Variants in ATRNL1 observed in about 807,000 individuals in gnomAD.
ATRNL1 encodes the protein attractin-like protein 1.
ATRNL1 carries 95 observed loss-of-function variants against 182.7 expected under a neutral mutation model. That is an observed-to-expected ratio of 0.52 (90% confidence interval 0.44 to 0.62). ATRNL1 has a LOEUF of 0.62. Among genes scored for constraint, ATRNL1 ranks in the 20% least tolerant of loss-of-function variants. ATRNL1 has a pLI of 0.00. For synonymous variants in ATRNL1, 576 were observed against 568.3 expected, an observed-to-expected ratio of 1.01 and a Z score of -0.19; for missense variants, 1,471 against 1,679.5, an observed-to-expected ratio of 0.88 and a Z score of 2.17.
chr10:115,184,565 C>T (rs1184849389), intron 8 of ATRNL1, among the ~76,000 whole-genome samples: 1 of 151,200 alleles, frequency 6.6e-6, no homozygotes, highest in African/African-American at 2.4e-5. Flanking sequence ...AACCAGAAAA[C>T]AAGTATGTTG....
At chr10:115,466,281 TTCTCTA>T (rs1848048358) in intron 22 of ATRNL1, among the ~76,000 whole-genome samples, 1 of 151,448 alleles carries the variant, frequency 6.6e-6, no homozygotes, top group South Asian at 2.1e-4. Context: ...AATTAATATA[TTCTCTA>T]TCTCTCTTAC....
At chr10:115,845,011 GT>G (rs1328599510) in intron 27 of ATRNL1, among the ~76,000 whole-genome samples, 2 of 151,864 alleles carry the variant, frequency 1.3e-5, no homozygotes, top group Non-Finnish European at 2.9e-5. Flanking sequence ...AGATGTTTGG[GT>G]TTTTTTGTAT....
At chr10:115,750,167 G>T (rs146650289) in intron 27 of ATRNL1, among the ~76,000 whole-genome samples, 1 of 151,868 alleles carries the variant, frequency 6.6e-6, no homozygotes, top group African/African-American at 2.4e-5. Flanking sequence ...GCAAGGACAC[G>T]TGAACACATA....
chr10:115,247,265 G>A (rs1850684199), intron 10 of ATRNL1, among the ~76,000 whole-genome samples: 1 of 151,944 alleles, frequency 6.6e-6, no homozygotes, highest in Admixed American at 6.6e-5. Flanking sequence ...TCATCTGATG[G>A]GGGATTAACA....
chr10:115,620,609 A>T (rs776258982), intron 26 of ATRNL1, among the ~76,000 whole-genome samples: 16 of 152,192 alleles, frequency 1.1e-4, no homozygotes, highest in Non-Finnish European at 2.1e-4. Context: ...TTTATTAAAG[A>T]TTTACTCAAA....
At chr10:115,827,043 C>A (rs1950450881) in intron 27 of ATRNL1, among the ~76,000 whole-genome samples, 1 of 152,110 alleles carries the variant, frequency 6.6e-6, no homozygotes, top group Admixed American at 6.5e-5. Flanking sequence ...TACATATTAT[C>A]AAAATGTGTT....
chr10:115,256,015 G>A (rs1379119417), intron 10 of ATRNL1, among the ~76,000 whole-genome samples: 1 of 152,166 alleles, frequency 6.6e-6, no homozygotes, highest in Non-Finnish European at 1.5e-5. Context: ...TAAGCTTTTT[G>A]ATGTGCTGAT....
chr10:115,893,363 T>G (rs782285174), intron 28 of ATRNL1, among the ~76,000 whole-genome samples: 1 of 152,138 alleles, frequency 6.6e-6, no homozygotes, highest in Non-Finnish European at 1.5e-5. Context: ...GTAAGGTGTT[T>G]AATGAGTATG....
At chr10:115,257,071 T>C (rs1184637256) in intron 10 of ATRNL1, among the ~76,000 whole-genome samples, 1 of 151,824 alleles carries the variant, frequency 6.6e-6, no homozygotes, top group African/African-American at 2.4e-5. Flanking sequence ...AACTTTAGAA[T>C]AAGTGCGATG....
intron 19 of ATRNL1, among the ~76,000 whole-genome samples, chr10:115,377,813 G>T (rs1395267255): frequency 1.3e-5 from 2 of 152,034 alleles, no homozygotes; most frequent in African/African-American, 2.4e-5. Flanking sequence ...TCTGTGGTAG[G>T]GTCTGAAGAT....
intron 8 of ATRNL1, among the ~76,000 whole-genome samples, chr10:115,179,285 TG>T (rs782489308): frequency 2.0e-5 from 3 of 152,076 alleles, no homozygotes; most frequent in Non-Finnish European, 2.9e-5. Context: ...GCTGAGCCAG[TG>T]GTGGTAGATC....
rs150694304 is a variant in ATRNL1, at chr10:115,127,600, A to T, written c.499A>T (p.Ile167Leu). 6.2e-7 allele frequency: 1 copy of T among 1,609,072 alleles called. No individual in the cohort carries two copies. The highest frequency in any genetic ancestry group is 1.1e-5 in the South Asian group (1 of 90,560). Residue 167 changes from isoleucine to leucine, a missense_variant, in exon 4 of 29, where the codon ATA (isoleucine) becomes TTA (leucine). By Grantham distance (5) the Ile-to-Leu change is conservative. Transcript: ENST00000355044. ...AGTTTTGTTCTCTTTTAGTGGTTTG[A>T]TAGTCCCTGAAATAAGGGGCAATGA... ...APLIAVLSGL[I>L]VPEIRGNETV...
intron 15 of ATRNL1, among the ~76,000 whole-genome samples, chr10:115,296,299 C>T (rs10885682): frequency 0.21 from 31,498 of 152,086 alleles, 4,130 homozygotes; most frequent in Non-Finnish European, 0.3. Flanking sequence ...CACTCCCCCA[C>T]TGCACTCCAG....
intron 27 of ATRNL1, among the ~76,000 whole-genome samples, chr10:115,757,632 G>A (rs1251863337): frequency 2.0e-5 from 3 of 152,070 alleles, no homozygotes; most frequent in Non-Finnish European, 2.9e-5. Flanking sequence ...TGACAATTAT[G>A]TGTCTTTGGG....
intron 21 of ATRNL1, among the ~76,000 whole-genome samples, chr10:115,447,943 G>T (rs35986818): frequency 6.6e-6 from 1 of 151,890 alleles, no homozygotes; most frequent in African/African-American, 2.4e-5. Flanking sequence ...TGATGGTTTT[G>T]AAATACTATC....
chr10:115,559,341 G>C (rs926979051), intron 26 of ATRNL1, among the ~76,000 whole-genome samples: 1 of 152,050 alleles, frequency 6.6e-6, no homozygotes, highest in South Asian at 2.1e-4. Context: ...CTAGCACCCA[G>C]ATCTTGTTTT....
intron 18 of ATRNL1, among the ~76,000 whole-genome samples, chr10:115,328,466 A>G (rs940104549): frequency 4.6e-5 from 7 of 152,148 alleles, no homozygotes; most frequent in Non-Finnish European, 1.0e-4. Context: ...GCTATTTGAA[A>G]TGCATTATTG....
chr10:115,803,550 A>G (rs1949847774), intron 27 of ATRNL1, among the ~76,000 whole-genome samples: 1 of 151,774 alleles, frequency 6.6e-6, no homozygotes, highest in African/African-American at 2.4e-5. Context: ...GATATGGAGG[A>G]AACTTTATTC....
At chr10:115,860,692 G>A (rs184017253) in intron 28 of ATRNL1, among the ~76,000 whole-genome samples, 1 of 152,308 alleles carries the variant, frequency 6.6e-6, no homozygotes, top group East Asian at 1.9e-4. Flanking sequence ...ATCTTGGACA[G>A]ACAGACTGTT....
Sources: gnomAD v4.1 joint callset for allele counts (sites outside exome capture counted in the v4.1 genomes callset) on GRCh38, gnomAD v4.1.1 for gene constraint, MANE v1.5 for transcripts, NCBI Gene and HGNC (gene_info 2026-07-23, HGNC 2026-07-21) for gene names.